Variants in MARCHF6 observed in about 807,000 individuals in gnomAD.
MARCHF6 encodes membrane associated ring-CH-type finger 6, also known as E3 ubiquitin-protein ligase MARCHF6.
A neutral mutation model predicts 133.7 loss-of-function variants in MARCHF6; 31 were observed. The observed-to-expected ratio is 0.23, with a 90% CI of 0.17 to 0.31. The LOEUF (loss-of-function observed/expected upper bound fraction) is 0.31, where lower values mean the gene tolerates loss of function less well. Among genes scored for constraint, MARCHF6 ranks in the 10% least tolerant of loss-of-function variants. The pLI is 1.00. For synonymous variants in MARCHF6, 395 were observed against 402.5 expected (o/e 0.98, Z 0.22); for missense variants, 723 against 1,121.6 (o/e 0.64, Z 5.08).
At chr5:10,417,717 C>CAAAAAAAA (rs748194332) in intron 22 of MARCHF6, among the ~76,000 whole-genome samples, 7 of 52,374 alleles carry the variant, frequency 1.3e-4, no homozygotes, top group Admixed American at 2.0e-4. Flanking sequence ...AGCCTCTGTC[C>CAAAAAAAA]AAAAAAAAAA....
At chr5:10,354,061 C>T in intron 1 of MARCHF6, 144 bp downstream of exon 1, 1 of 771,142 alleles carries the variant, frequency 1.3e-6, no homozygotes, top group East Asian at 3.5e-5. Context: ...GGCCTCTGGG[C>T]CGGGGAGCGG....
intron 24 of MARCHF6, among the ~76,000 whole-genome samples, chr5:10,427,524 T>C (rs940026040): frequency 6.6e-6 from 1 of 152,180 alleles, no homozygotes; most frequent in Non-Finnish European, 1.5e-5. Context: ...TGGCCTCTTA[T>C]CAAACACACA....
chr5:10,369,602 T>G (rs1266142648), intron 1 of MARCHF6, among the ~76,000 whole-genome samples: 1 of 13,114 alleles, frequency 7.6e-5, no homozygotes, highest in Non-Finnish European at 1.7e-4. Flanking sequence ...ATAGTTCCAT[T>G]ACCCCCCCCC....
chr5:10,378,021 C>T, intron 2 of MARCHF6, 127 bp downstream of exon 2: 2 of 582,342 alleles, frequency 3.4e-6, no homozygotes, highest in East Asian at 2.8e-5. Context: ...TTTTCCTGAG[C>T]ACAGGAAACT....
In MARCHF6 at chr5:10,391,530, C is replaced by T; in HGVS notation, c.577-12C>T. The T allele has an allele frequency of 1.5e-6, 2 of 1,314,798 alleles. No homozygotes were observed. Among genetic ancestry groups the T allele is most frequent in the Non-Finnish European group, 2.0e-6 (2 of 1,001,466 alleles). The allele number at this position is 1,314,798 out of a possible 1,614,324, so 81.4% of individuals were successfully genotyped here. On this transcript the variant is annotated splice_polypyrimidine_tract_variant and intron_variant, in intron 6 of 25. Transcript: ENST00000274140. ...AGTGGATCTAAATTTCTGGGCTTTT[C>T]TGTGATTTTAGGCTCCAGCAGGAGG... is the stretch of plus-strand genomic sequence containing the variant.
chr5:10,407,961 C>T (rs938235511), intron 17 of MARCHF6, among the ~76,000 whole-genome samples: 1 of 142,228 alleles, frequency 7.0e-6, no homozygotes, highest in Non-Finnish European at 1.5e-5. Flanking sequence ...CATCCCCCCC[C>T]CCCCAAAAAA....
rs1475222617 is a variant in MARCHF6, at chr5:10,407,160, G to T, written c.1511G>T (p.Ser504Ile). Residue 504 changes from serine to isoleucine, a missense_variant, in exon 17 of 26, where the codon AGT (serine) becomes ATT (isoleucine). By Grantham distance (142) the Ser-to-Ile change is moderately radical (BLOSUM62 -2). Around this residue, in one of 4 missense-constraint regions of MARCHF6, gnomAD observed 492 missense variants for 699.5 expected, o/e 0.70. Transcript: ENST00000274140. The stretch of plus-strand genomic sequence containing the variant: ...TGGCTTCCTATACGTATAATTAAGA[G>T]TGTGCTGCCTAATTTTCTTCCATAC... ...MLWLPIRIIK[S>I]VLPNFLPYNV... The T allele has an allele frequency of 1.2e-6, 2 of 1,613,144 alleles. No homozygotes were observed. The highest frequency in any genetic ancestry group is 1.7e-6 in the Non-Finnish European group (2 of 1,179,606).
At chr5:10,412,429 T>TC (rs1452895329) in intron 19 of MARCHF6, among the ~76,000 whole-genome samples, 1 of 152,192 alleles carries the variant, frequency 6.6e-6, no homozygotes, top group Non-Finnish European at 1.5e-5. Context: ...AAAGGAATCT[T>TC]CCTAGAATAG....
intron 1 of MARCHF6, among the ~76,000 whole-genome samples, chr5:10,376,699 G>A (rs1203504391): frequency 2.0e-5 from 3 of 152,150 alleles, no homozygotes; most frequent in Non-Finnish European, 4.4e-5. Context: ...CCTAGAAAAG[G>A]CATGCACCCC....
intron 3 of MARCHF6, among the ~76,000 whole-genome samples, chr5:10,380,236 TTTTAC>T (rs1192105844): frequency 2.0e-5 from 3 of 152,090 alleles, no homozygotes; most frequent in African/African-American, 7.2e-5. Flanking sequence ...TAACTTAGTG[TTTTAC>T]TTTGTTTTTA....
rs776500354 is a variant in MARCHF6 at position 10,387,066 on chromosome 5, C to T, written c.407C>T (p.Thr136Met). The change falls in exon 5 of 26, where the codon ACG becomes ATG. Residue 136 changes from threonine (T) to methionine (M), a missense_variant and splice_region_variant. Thr to Met is a moderately conservative substitution (Grantham distance 81). Coordinates refer to ENST00000274140, the MANE Select transcript of MARCHF6 (RefSeq NM_005885.4). ...ACGCTGCCATTAGATATGCTGTCAA[C>T]GTGAGTATTGAACCTCTGTGACGAA... is the stretch of plus-strand genomic sequence containing the variant. ...LLTLPLDMLS[T>M]ENLLADCLQG... 2.0e-5 allele frequency: 32 copies of T among 1,609,296 alleles called. No individual in the cohort carries two copies. The highest frequency in any genetic ancestry group is 5.0e-5 in the Admixed American group (3 of 59,968).
intron 10 of MARCHF6, among the ~76,000 whole-genome samples, chr5:10,397,669 C>T (rs1031895897): frequency 1.3e-5 from 2 of 152,036 alleles, no homozygotes; most frequent in African/African-American, 4.8e-5. Flanking sequence ...TGTGTGTGCT[C>T]TTCCCTATGG....
chr5:10,360,603 A>G (rs1477387341), intron 1 of MARCHF6, among the ~76,000 whole-genome samples: 6 of 152,130 alleles, frequency 3.9e-5, no homozygotes, highest in African/African-American at 1.2e-4. Context: ...CCTGAAACCA[A>G]TCCCCCAGGG....
At position 10,353,740 on chromosome 5, in the gene MARCHF6, C is replaced by T. The variant is rs543448669; in HGVS notation, c.-159C>T. ...CGTGTCGCTCGCTTTCTGTCAGCCT[C>T]TCTCCCTCTCCCTCTCCCCTCTCCT... On this transcript the variant is annotated 5_prime_UTR_variant, in exon 1 of 26. Coordinates refer to ENST00000274140, the MANE Select transcript of MARCHF6 (RefSeq NM_005885.4). 3.5e-5 allele frequency: 17 copies of T among 481,352 alleles called. No homozygotes were observed. Among genetic ancestry groups the T allele is most frequent in the South Asian group, 2.9e-4 (14 of 48,400 alleles). The allele number at this position is 481,352 out of a possible 1,614,324, so 29.8% of individuals were successfully genotyped here.
intron 9 of MARCHF6, 139 bp downstream of exon 9, chr5:10,394,924 C>G: frequency 1.8e-6 from 1 of 559,468 alleles, no homozygotes; most frequent in South Asian, 2.0e-5. Flanking sequence ...CTCAGCTTTC[C>G]AGGTAGCTGG....
At chr5:10,360,538 A>T (rs191955662) in intron 1 of MARCHF6, among the ~76,000 whole-genome samples, 1 of 152,158 alleles carries the variant, frequency 6.6e-6, no homozygotes, top group Non-Finnish European at 1.5e-5. Context: ...TGGAAATACT[A>T]TGCTGTTTTA....
At chr5:10,372,525 A>ATT (rs111820253) in intron 1 of MARCHF6, among the ~76,000 whole-genome samples, 10 of 151,768 alleles carry the variant, frequency 6.6e-5, no homozygotes, top group East Asian at 1.9e-4. Context: ...CTTTAGGATT[A>ATT]TTTTTTTTCC....
At chr5:10,359,500 T>C (rs1345268340) in intron 1 of MARCHF6, among the ~76,000 whole-genome samples, 2 of 152,176 alleles carry the variant, frequency 1.3e-5, no homozygotes, top group African/African-American at 4.8e-5. Flanking sequence ...TATAATACAG[T>C]TTATGCATTC....
chr5:10,360,022 A>G (rs1429469227), intron 1 of MARCHF6, among the ~76,000 whole-genome samples: 2 of 151,990 alleles, frequency 1.3e-5, no homozygotes, highest in South Asian at 4.2e-4. Flanking sequence ...AAAGTAGTAC[A>G]ATATGTGTAT....
Sources: allele counts gnomAD v4.1 joint callset (sites outside exome capture counted in the v4.1 genomes callset), GRCh38; gene constraint gnomAD v4.1.1; regional missense constraint gnomAD v4.1.1; transcripts MANE v1.5; gene names NCBI Gene and HGNC (gene_info 2026-07-23, HGNC 2026-07-21).